The following PDE1A variants were observed in gnomAD, a reference collection of about 807,000 sequenced individuals.
PDE1A encodes the protein phosphodiesterase 1A.
Under a neutral mutation model 61.7 loss-of-function variants are expected in PDE1A, and 35 were observed. That is an observed-to-expected ratio of 0.57 (90% CI 0.43 to 0.75). The LOEUF is 0.75. PDE1A is among the 30% of genes least tolerant of loss of function. The probability of loss-of-function intolerance (pLI) is 0.00; values close to 1 mark genes in which losing one functional copy is unlikely to be tolerated. For missense variants in PDE1A, 597 were observed against 630.6 expected (o/e 0.95, Z 0.57); for synonymous variants, 232 against 213.2 (o/e 1.09, Z -0.77).
At chr2:182,614,572 T>C in the PDE1A span, among the ~76,000 whole-genome samples, 1 of 149,092 alleles carries the variant, frequency 6.7e-6, no homozygotes, top group South Asian at 2.1e-4. Context: ...TTTTTTTTTT[T>C]TGAGACAGAG....
At position 182,392,616 on chromosome 2, in the gene PDE1A, G is replaced by T. The variant is rs76820411; in HGVS notation, c.53+33962C>A. The stretch of plus-strand genomic sequence containing the variant: ...CAAAGTCTCATCTGTAACAAGGCAA[G>T]TCCCTTCTGCCTATGAGACTGTGAA... On this transcript the variant is annotated intron_variant, in intron 1 of 13. Coordinates refer to ENST00000351439, the Ensembl canonical transcript of PDE1A. Among the ~76,000 whole-genome samples, 62 of 152,282 alleles carry T rather than the reference G, an allele frequency of 4.1e-4. 1 individual carries two copies. In the East Asian group the frequency reaches 0.011, roughly 28 times the overall value.
Position 182,199,464 on chromosome 2 carries a change from A to C in PDE1A, c.1125+1975T>G, listed in dbSNP as rs146391638. ...ATGTGAAGCTATAAAATTTCCCCTA[A>C]GCACTGCTTCAGTTGCATCCAACAA... On this transcript the variant is annotated intron_variant, in intron 10 of 13. Coordinates refer to ENST00000351439, the Ensembl canonical transcript of PDE1A. Among the ~76,000 whole-genome samples the C allele has an allele frequency of 4.3e-3, 655 of 152,106 alleles. 4 individuals are homozygous for C. Among genetic ancestry groups the C allele is most frequent in the African/African-American group, 0.015 (623 of 41,540 alleles).
chr2:182,709,988 C>T, the PDE1A span, among the ~76,000 whole-genome samples: 1 of 152,274 alleles, frequency 6.6e-6, no homozygotes, highest in South Asian at 2.1e-4. Flanking sequence ...CCTCCGACTC[C>T]CTGGTTCAAG....
intron 13 of PDE1A, among the ~76,000 whole-genome samples, chr2:182,162,857 A>G (rs149418018): frequency 3.3e-5 from 5 of 152,266 alleles, no homozygotes; most frequent in Non-Finnish European, 5.9e-5. Context: ...TTCAAAATGC[A>G]TTATTGAAAT....
At chr2:182,292,006 G>T (rs371735916) in intron 1 of PDE1A, among the ~76,000 whole-genome samples, 34 of 152,048 alleles carry the variant, frequency 2.2e-4, no homozygotes, top group African/African-American at 7.0e-4. Context: ...AAAAAATGAC[G>T]TATTTCTTGG....
chr2:182,335,413 AC>A (rs1697731946), intron 1 of PDE1A, among the ~76,000 whole-genome samples: 2 of 152,228 alleles, frequency 1.3e-5, no homozygotes, highest in Non-Finnish European at 2.9e-5. Context: ...TGATACCAAA[AC>A]AGATTTATAG....
the PDE1A span, among the ~76,000 whole-genome samples, chr2:182,610,473 C>T: frequency 6.6e-6 from 1 of 151,750 alleles, no homozygotes; most frequent in Non-Finnish European, 1.5e-5. Flanking sequence ...AGCAACTGAC[C>T]AAGCTGAAAC....
At chr2:182,314,883 G>T (rs1696237173) in intron 1 of PDE1A, among the ~76,000 whole-genome samples, 2 of 151,966 alleles carry the variant, frequency 1.3e-5, no homozygotes, top group African/African-American at 4.8e-5. Flanking sequence ...GAAACCTTGG[G>T]GAAAATTATA....
At chr2:182,151,483 T>C (rs1690776424) in intron 13 of PDE1A, among the ~76,000 whole-genome samples, 3 of 152,104 alleles carry the variant, frequency 2.0e-5, no homozygotes, top group Admixed American at 1.3e-4. Flanking sequence ...CTGCCCAAAG[T>C]CTTAAAGCCA....
chr2:182,201,616 TTTC>T, intron 9 of PDE1A, 57 bp from the exon 10 acceptor site: 1 of 1,564,152 alleles, frequency 6.4e-7, no homozygotes, highest in Non-Finnish European at 8.7e-7. Flanking sequence ...ATTACAGTCT[TTTC>T]TGAGGCCAAG....
the PDE1A span, among the ~76,000 whole-genome samples, chr2:182,626,848 CAT>C: frequency 9.0e-4 from 31 of 34,370 alleles, 1 homozygote; most frequent in East Asian, 5.0e-3. Context: ...CATATATATA[CAT>C]ATATATATAC....
intron 1 of PDE1A, among the ~76,000 whole-genome samples, chr2:182,354,684 A>G (rs1411732056): frequency 2.6e-5 from 4 of 152,170 alleles, no homozygotes; most frequent in African/African-American, 9.6e-5. Context: ...GATAAAGGGG[A>G]AAAATTAATG....
the PDE1A span, among the ~76,000 whole-genome samples, chr2:182,618,581 A>C: frequency 2.6e-3 from 395 of 152,300 alleles, no homozygotes; most frequent in Middle Eastern, 6.8e-3. Context: ...AAAAAACAAA[A>C]GAATAGATGT....
chr2:182,311,105 C>A (rs1218148711), intron 1 of PDE1A, among the ~76,000 whole-genome samples: 2 of 152,172 alleles, frequency 1.3e-5, no homozygotes, highest in African/African-American at 2.4e-5. Context: ...GCCATGTGGG[C>A]AAGAAATATA....
At chr2:182,419,574 G>T (rs1703144395) in intron 1 of PDE1A, among the ~76,000 whole-genome samples, 1 of 151,976 alleles carries the variant, frequency 6.6e-6, no homozygotes, top group Non-Finnish European at 1.5e-5. Flanking sequence ...ATACCTCTTG[G>T]ATGTAACTGC....
At chr2:182,143,127 A>G (rs1347694246), downstream of PDE1A, 1 of 152,214 alleles carries the variant, frequency 6.6e-6, no homozygotes, top group East Asian at 1.9e-4. Context: ...ACAAAATTCC[A>G]GTTAGATAGG....
chr2:182,684,330 G>A, the PDE1A span, among the ~76,000 whole-genome samples: 2 of 151,866 alleles, frequency 1.3e-5, no homozygotes, highest in African/African-American at 2.4e-5. Flanking sequence ...ACATTTTATT[G>A]TATTTTCTAG....
the PDE1A span, among the ~76,000 whole-genome samples, chr2:182,716,788 C>G: frequency 6.6e-6 from 1 of 152,214 alleles, no homozygotes; most frequent in East Asian, 1.9e-4. Flanking sequence ...CCCTCTCCCA[C>G]TCTGCAGTGA....
chr2:182,519,117 T>C (rs993369546), intron 2 of PDE1A, among the ~76,000 whole-genome samples: 2 of 152,070 alleles, frequency 1.3e-5, no homozygotes, highest in African/African-American at 4.8e-5. Flanking sequence ...TTGACAATCT[T>C]TGAAAGACTA....
Sources: allele counts gnomAD v4.1 joint callset (sites outside exome capture counted in the v4.1 genomes callset), GRCh38; gene constraint gnomAD v4.1.1; transcripts MANE v1.5; gene names NCBI Gene and HGNC (gene_info 2026-07-23, HGNC 2026-07-21).